The following DLGAP2 variants were observed in gnomAD, a reference collection of about 807,000 sequenced individuals.
DLGAP2 encodes the protein disks large-associated protein 2.
DLGAP2 carries 26 observed loss-of-function variants against 100.3 expected under a neutral mutation model. The observed-to-expected ratio is 0.26, with a 90% confidence interval of 0.19 to 0.36. The LOEUF is 0.36. DLGAP2 is among the 10% of genes least tolerant of loss of function. The pLI is 1.00. For synonymous variants in DLGAP2, 886 were observed against 630.1 expected, an observed-to-expected ratio of 1.41 and a Z score of -6.08; for missense variants, 1,858 against 1,453.2, an observed-to-expected ratio of 1.28 and a Z score of -4.53.
chr8:1,654,278 C>T (rs912634698), intron 8 of DLGAP2, among the ~76,000 whole-genome samples: 3 of 152,250 alleles, frequency 2.0e-5, no homozygotes, highest in African/African-American at 7.2e-5. Context: ...GGCCCACCAG[C>T]ATCCTCCAGT....
rs1161757353 is a variant in DLGAP2 at position 1,417,693 on chromosome 8, G to GA, written c.107-83673_107-83672insA. Among the ~76,000 whole-genome samples the GA allele has an allele frequency of 4.8e-4, 45 of 93,158 alleles. 3 individuals carry two copies. Among genetic ancestry groups the GA allele is most frequent in the Non-Finnish European group, 7.9e-4 (36 of 45,486 alleles). 61.1% of individuals were successfully genotyped at this position (93,158 alleles called of 152,430 possible). A position where few individuals can be genotyped will look rare whatever the true frequency, so the allele number is the denominator to read the frequency against. ...CGCGAGGCTCCAGGGGGGCACAGGG[G>GA]GCCCCACTCCTGCCTCACTCGGCGA... On this transcript the variant is annotated intron_variant, in intron 3 of 14. Transcript: ENST00000637795.
chr8:1,091,804 C>T (rs1384427841), intron 2 of DLGAP2, among the ~76,000 whole-genome samples: 2 of 151,930 alleles, frequency 1.3e-5, no homozygotes, highest in Non-Finnish European at 2.9e-5. Context: ...TCCTACCCCT[C>T]CGCAGCCCCT....
chr8:1,170,562 C>G (rs1585119151), intron 2 of DLGAP2, among the ~76,000 whole-genome samples: 1 of 146,874 alleles, frequency 6.8e-6, no homozygotes, highest in Non-Finnish European at 1.5e-5. Flanking sequence ...AATTTCAGCT[C>G]CTGTTATTGG....
intron 3 of DLGAP2, among the ~76,000 whole-genome samples, chr8:1,485,592 C>T (rs188567859): frequency 1.3e-3 from 201 of 152,348 alleles, no homozygotes; most frequent in Non-Finnish European, 2.0e-3. Context: ...TATCCCCGTT[C>T]TTGGTTCACT....
chr8:1,496,248 A>G (rs938526140), intron 3 of DLGAP2, among the ~76,000 whole-genome samples: 1 of 151,950 alleles, frequency 6.6e-6, no homozygotes, highest in Non-Finnish European at 1.5e-5. Context: ...GTTGCAGGTC[A>G]GTGCAGAATC....
At chr8:1,577,567 CAAAA>C (rs10646663) in intron 6 of DLGAP2, among the ~76,000 whole-genome samples, 43,674 of 105,272 alleles carry the variant, frequency 0.41, 7,585 homozygotes, top group East Asian at 0.53. Context: ...CACTCTCTCT[CAAAA>C]AAAAAAAAAA....
chr8:1,532,034 T>C (rs1440987724), intron 4 of DLGAP2, among the ~76,000 whole-genome samples: 3 of 152,154 alleles, frequency 2.0e-5, no homozygotes, highest in African/African-American at 4.8e-5. Context: ...TTCCAGGTCA[T>C]AGGAAGGTGA....
At chr8:796,500 T>G (rs1168281005) in intron 1 of DLGAP2, among the ~76,000 whole-genome samples, 1 of 152,142 alleles carries the variant, frequency 6.6e-6, no homozygotes, top group African/African-American at 2.4e-5. Flanking sequence ...GCAGAGGGTG[T>G]GGCCTGCTCT....
intron 14 of DLGAP2, among the ~76,000 whole-genome samples, chr8:1,698,342 G>A (rs1363915307): frequency 2.0e-5 from 3 of 151,712 alleles, no homozygotes; most frequent in Non-Finnish European, 4.4e-5. Flanking sequence ...CCATGTGTGG[G>A]ACTAGGCAGG....
At chr8:1,320,425 A>T (rs937610325) in intron 3 of DLGAP2, among the ~76,000 whole-genome samples, 2 of 152,090 alleles carry the variant, frequency 1.3e-5, no homozygotes, top group Non-Finnish European at 2.9e-5. Context: ...ACACAGTGAA[A>T]AAGGGTGGGT....
At chr8:1,089,277 C>T (rs746687340) in intron 2 of DLGAP2, among the ~76,000 whole-genome samples, 18 of 152,360 alleles carry the variant, frequency 1.2e-4, no homozygotes, top group East Asian at 3.9e-4. Context: ...AGGCTTTCTC[C>T]GGACATGGTC....
At chr8:817,980 T>C (rs912954560) in intron 1 of DLGAP2, among the ~76,000 whole-genome samples, 2 of 152,192 alleles carry the variant, frequency 1.3e-5, no homozygotes, top group Admixed American at 1.3e-4. Flanking sequence ...TGTGGTCCCA[T>C]AGGGAGGAAG....
chr8:996,177 A>G (rs1325725013), intron 2 of DLGAP2, among the ~76,000 whole-genome samples: 2 of 152,186 alleles, frequency 1.3e-5, no homozygotes, highest in African/African-American at 4.8e-5. Context: ...GAGGACTCAC[A>G]GAAGGCAGGA....
intron 3 of DLGAP2, among the ~76,000 whole-genome samples, chr8:1,346,148 C>T (rs765804291): frequency 6.6e-6 from 1 of 152,164 alleles, no homozygotes; most frequent in African/African-American, 2.4e-5. Flanking sequence ...CACGTCTGCA[C>T]TGCTCTGATG....
intron 1 of DLGAP2, among the ~76,000 whole-genome samples, chr8:843,652 G>A (rs964093899): frequency 3.9e-5 from 6 of 152,198 alleles, no homozygotes; most frequent in African/African-American, 1.4e-4. Context: ...GCTGTAAATG[G>A]TTTTTGGGTT....
Position 1,549,197 on chromosome 8 carries a change from C to A in DLGAP2, c.744C>A (p.Gly248=). The A allele has an allele frequency of 6.2e-7, 1 of 1,600,950 alleles. No homozygotes were observed. The highest frequency in any genetic ancestry group is 1.7e-5 in the Admixed American group (1 of 57,672). ...KLFTKSHSLE[G]SSKSNANGTK... ...TCACCAAGTCGCACTCGCTGGAGGGCTCCTCCAAAAGCAACGCCAACGGCA... is the reference window on the plus strand; with the variant it reads ...TCACCAAGTCGCACTCGCTGGAGGGATCCTCCAAAAGCAACGCCAACGGCA... Residue 248 remains glycine (G), a synonymous_variant, in exon 5 of 15, where the codon GGC becomes GGA. Coordinates refer to ENST00000637795, the MANE Select transcript of DLGAP2 (RefSeq NM_001346810.2).
chr8:1,462,696 G>A (rs1366868978), intron 3 of DLGAP2, among the ~76,000 whole-genome samples: 15 of 152,150 alleles, frequency 9.9e-5, no homozygotes, highest in Admixed American at 6.5e-4. Context: ...TGGGTGGCTG[G>A]GGAAGGGGAA....
intron 4 of DLGAP2, among the ~76,000 whole-genome samples, chr8:1,510,562 C>T (rs769384088): frequency 3.3e-5 from 5 of 152,336 alleles, no homozygotes; most frequent in Non-Finnish European, 7.3e-5. Flanking sequence ...TGTCACTCTG[C>T]GTGGGCTCCC....
intron 3 of DLGAP2, among the ~76,000 whole-genome samples, chr8:1,446,719 A>G (rs140390520): frequency 0.016 from 2,437 of 152,276 alleles, 62 homozygotes; most frequent in African/African-American, 0.054. Context: ...TCTTCCTACC[A>G]ATGATCATGG....
Sources: gnomAD v4.1 joint callset for allele counts (sites outside exome capture counted in the v4.1 genomes callset) on GRCh38, gnomAD v4.1.1 for gene constraint, MANE v1.5 for transcripts, NCBI Gene and HGNC (gene_info 2026-07-23, HGNC 2026-07-21) for gene names.